Variants in CLOCK observed in about 807,000 individuals in gnomAD.
The protein encoded by CLOCK is circadian locomoter output cycles protein kaput.
Under a neutral mutation model 118.4 loss-of-function variants are expected in CLOCK, and 43 were observed. The observed-to-expected ratio is 0.36, with a 90% CI of 0.28 to 0.47. The LOEUF (loss-of-function observed/expected upper bound fraction) is 0.47. CLOCK is among the 20% of genes least tolerant of loss of function. The probability of loss-of-function intolerance (pLI) is 1.00; values close to 1 mark genes in which losing one functional copy is unlikely to be tolerated. For missense variants in CLOCK, 846 were observed against 999.9 expected (o/e 0.85, Z 2.08); for synonymous variants, 326 against 339.2 (o/e 0.96, Z 0.43).
intron 2 of CLOCK, among the ~76,000 whole-genome samples, chr4:55,496,915 CCTT>C (rs1351211107): frequency 6.6e-6 from 1 of 152,158 alleles, no homozygotes; most frequent in African/African-American, 2.4e-5. Flanking sequence ...CTGGAATTGA[CCTT>C]CACAGAAAAT....
Position 55,524,833 on chromosome 4 carries a change from A to C in CLOCK, c.-289-14768T>G, listed in dbSNP as rs553606282. On this transcript the variant is annotated intron_variant, in intron 1 of 22. Transcript: ENST00000513440. ...CAGAAATGAAAATTTCTAAATTCTCAACTGTTTCTAATGAAAGCTGAAAGC... is the reference window on the plus strand; with the variant it reads ...CAGAAATGAAAATTTCTAAATTCTCCACTGTTTCTAATGAAAGCTGAAAGC... 3.1e-4 allele frequency among the ~76,000 whole-genome samples: 47 copies of C among 152,294 alleles called. 1 individual carries two copies. The highest frequency in any genetic ancestry group is 9.9e-4 in the African/African-American group (41 of 41,570).
chr4:55,439,034 G>A (rs1723134266), intron 21 of CLOCK, among the ~76,000 whole-genome samples: 1 of 152,160 alleles, frequency 6.6e-6, no homozygotes, highest in African/African-American at 2.4e-5. Flanking sequence ...TAAAAATCTT[G>A]TGAATCAAAG....
intron 2 of CLOCK, among the ~76,000 whole-genome samples, chr4:55,502,740 G>T (rs1728522993): frequency 6.6e-6 from 1 of 152,122 alleles, no homozygotes; most frequent in African/African-American, 2.4e-5. Flanking sequence ...GAAGAAGCAA[G>T]CCAAAGACTA....
chr4:55,440,414 T>C (rs2109664847), intron 21 of CLOCK, among the ~76,000 whole-genome samples: 1 of 152,334 alleles, frequency 6.6e-6, no homozygotes, highest in East Asian at 1.9e-4. Context: ...CCATTTGCCT[T>C]TTCTGTGAGA....
intron 1 of CLOCK, among the ~76,000 whole-genome samples, chr4:55,543,642 A>C (rs1370953260): frequency 2.2e-5 from 3 of 137,314 alleles, no homozygotes; most frequent in African/African-American, 7.5e-5. Context: ...TTACTTCTGT[A>C]ATTTTAAAAA....
intron 4 of CLOCK, among the ~76,000 whole-genome samples, chr4:55,481,190 G>T (rs922769471): frequency 5.9e-5 from 9 of 152,110 alleles, no homozygotes; most frequent in Non-Finnish European, 1.2e-4. Context: ...CTATAAAATG[G>T]AGTCACTATT....
At chr4:55,468,005 C>G (rs986146779) in intron 8 of CLOCK, among the ~76,000 whole-genome samples, 1 of 152,150 alleles carries the variant, frequency 6.6e-6, no homozygotes, top group African/African-American at 2.4e-5. Context: ...TCCATTGATT[C>G]TCTTTATAAG....
chr4:55,475,719 T>G (rs960894328), intron 7 of CLOCK, among the ~76,000 whole-genome samples: 19 of 152,204 alleles, frequency 1.2e-4, no homozygotes, highest in Non-Finnish European at 5.9e-5. Context: ...TGTTAGCATT[T>G]TTTAGCAATA....
At chr4:55,537,798 A>AT (rs201656642) in intron 1 of CLOCK, among the ~76,000 whole-genome samples, 4,585 of 152,202 alleles carry the variant, frequency 0.03, 97 homozygotes, top group Non-Finnish European at 0.039. Context: ...CAAAAAACAA[A>AT]TAAATAAATT....
At chr4:55,536,717 C>T (rs1481945374) in intron 1 of CLOCK, among the ~76,000 whole-genome samples, 1 of 152,144 alleles carries the variant, frequency 6.6e-6, no homozygotes, top group Non-Finnish European at 1.5e-5. Flanking sequence ...GTAATGCAAA[C>T]AGACTAATAC....
intron 4 of CLOCK, among the ~76,000 whole-genome samples, chr4:55,480,161 C>G (rs1006548897): frequency 2.0e-5 from 3 of 152,220 alleles, no homozygotes; most frequent in African/African-American, 4.8e-5. Flanking sequence ...CATTCATTTA[C>G]TAATTCATTT....
chr4:55,493,773 T>C (rs1727874471), intron 2 of CLOCK, among the ~76,000 whole-genome samples: 1 of 152,186 alleles, frequency 6.6e-6, no homozygotes, highest in Non-Finnish European at 1.5e-5. Context: ...TCAATTTAAA[T>C]TTGAAAACTG....
At chr4:55,443,292 T>C (rs1048781174) in intron 20 of CLOCK, among the ~76,000 whole-genome samples, 11 of 151,974 alleles carry the variant, frequency 7.2e-5, no homozygotes, top group Admixed American at 7.2e-4. Context: ...CAGGCCAACA[T>C]GGTGAAACCC....
At chr4:55,495,708 G>A (rs1728023693) in intron 2 of CLOCK, among the ~76,000 whole-genome samples, 1 of 151,920 alleles carries the variant, frequency 6.6e-6, no homozygotes, top group African/African-American at 2.4e-5. Flanking sequence ...GATCTCTTCT[G>A]CAACAATTTT....
At chr4:55,442,274 T>TG in intron 21 of CLOCK, 158 bp downstream of exon 21, 1 of 694,850 alleles carries the variant, frequency 1.4e-6, no homozygotes, top group Admixed American at 2.6e-5. Context: ...CTTTAAACAA[T>TG]GAATACATTC....
chr4:55,508,851 C>G (rs1159029218), intron 2 of CLOCK, among the ~76,000 whole-genome samples: 1 of 152,142 alleles, frequency 6.6e-6, no homozygotes, highest in Non-Finnish European at 1.5e-5. Flanking sequence ...CTCGGCCTCC[C>G]AAAGTGCTGG....
At chr4:55,502,199 C>T (rs1321240072) in intron 2 of CLOCK, among the ~76,000 whole-genome samples, 2 of 152,074 alleles carry the variant, frequency 1.3e-5, no homozygotes, top group African/African-American at 2.4e-5. Flanking sequence ...AGGTTTGTGG[C>T]GGGTAGTGCG....
chr4:55,435,703 C>T (rs968128072), intron 22 of CLOCK, 109 bp from the exon 23 acceptor site: 3 of 1,080,438 alleles, frequency 2.8e-6, no homozygotes, highest in African/African-American at 1.6e-5. Context: ...TAAAATTCTA[C>T]ATAATGCATA....
chr4:55,442,358 TAAG>T, intron 21 of CLOCK, 71 bp downstream of exon 21: 2 of 1,346,828 alleles, frequency 1.5e-6, no homozygotes, highest in Non-Finnish European at 2.1e-6. Flanking sequence ...AAAATTTGAT[TAAG>T]AAATCAAATT....
Sources: gnomAD v4.1 joint callset for allele counts (sites outside exome capture counted in the v4.1 genomes callset) on GRCh38, gnomAD v4.1.1 for gene constraint, MANE v1.5 for transcripts, NCBI Gene and HGNC (gene_info 2026-07-23, HGNC 2026-07-21) for gene names.